SNX29: variants seen among roughly 807,000 people sequenced by gnomAD.
The protein encoded by SNX29 is sorting nexin 29, also known as sorting nexin-29.
A neutral mutation model predicts 102.1 loss-of-function variants in SNX29; 78 were observed. That is an observed-to-expected ratio of 0.76 (90% CI 0.64 to 0.92). The LOEUF is 0.92. Among genes scored for constraint, SNX29 ranks in the 40% least tolerant of loss-of-function variants. SNX29 has a pLI of 0.00. For missense variants in SNX29, 1,280 were observed against 1,061.7 expected, an observed-to-expected ratio of 1.21 and a Z score of -2.86; for synonymous variants, 580 against 414.5, an observed-to-expected ratio of 1.40 and a Z score of -4.85.
At chr16:12,017,262 C>T (rs953881180) in intron 3 of SNX29, among the ~76,000 whole-genome samples, 5 of 152,214 alleles carry the variant, frequency 3.3e-5, no homozygotes, top group African/African-American at 9.7e-5. Flanking sequence ...AGTCCTTAGT[C>T]CTAACCTGGG....
At chr16:12,346,351 C>T (rs533496213) in intron 15 of SNX29, among the ~76,000 whole-genome samples, 3 of 152,198 alleles carry the variant, frequency 2.0e-5, no homozygotes, top group African/African-American at 7.2e-5. Flanking sequence ...CTTTACGTAA[C>T]CCTAAGTAAA....
At chr16:12,390,479 C>T (rs1242970223) in intron 16 of SNX29, among the ~76,000 whole-genome samples, 3 of 152,110 alleles carry the variant, frequency 2.0e-5, no homozygotes, top group Non-Finnish European at 4.4e-5. Context: ...GGATTGTATG[C>T]TCTGCAAGCC....
At chr16:12,015,895 C>T (rs1429855449) in intron 3 of SNX29, among the ~76,000 whole-genome samples, 1 of 146,610 alleles carries the variant, frequency 6.8e-6, no homozygotes, top group East Asian at 2.1e-4. Context: ...GACAGAATGT[C>T]GCTCTGTCAC....
intron 14 of SNX29, among the ~76,000 whole-genome samples, chr16:12,204,693 A>G (rs2077001944): frequency 6.6e-6 from 1 of 152,238 alleles, no homozygotes; most frequent in Admixed American, 6.5e-5. Context: ...AGCAATTTAA[A>G]AAGTTTGTTC....
intron 19 of SNX29, among the ~76,000 whole-genome samples, chr16:12,495,086 C>A (rs1597604257): frequency 6.6e-6 from 1 of 152,204 alleles, no homozygotes; most frequent in Non-Finnish European, 1.5e-5. Flanking sequence ...CATGCAGTTC[C>A]TTTAGGATAC....
chr16:12,352,436 C>T (rs1327042830), intron 15 of SNX29, among the ~76,000 whole-genome samples: 2 of 152,112 alleles, frequency 1.3e-5, no homozygotes, highest in African/African-American at 4.8e-5. Context: ...TTAATGGGTG[C>T]AGCACACCAA....
intron 15 of SNX29, among the ~76,000 whole-genome samples, chr16:12,341,083 G>C (rs925224505): frequency 6.6e-6 from 1 of 152,172 alleles, no homozygotes; most frequent in Non-Finnish European, 1.5e-5. Context: ...AGAGTGTCTG[G>C]CCTGTGGAAC....
chr16:12,352,829 C>G lies in SNX29; in HGVS notation c.1783-3334C>G, dbSNP rs551650413. Among the ~76,000 whole-genome samples the G allele has an allele frequency of 9.2e-5, 14 of 152,314 alleles. No individual in the cohort carries two copies. In the East Asian group the frequency reaches 2.7e-3, roughly 29 times the overall value. The stretch of plus-strand genomic sequence containing the variant: ...GCATTTACTTTTGATTTGTCACTGT[C>G]ATAGTGTTGTCAAATGGCATCTCCT... On this transcript the variant is annotated intron_variant, in intron 15 of 20. Coordinates refer to ENST00000566228, the MANE Select transcript of SNX29 (RefSeq NM_032167.5).
intron 19 of SNX29, among the ~76,000 whole-genome samples, chr16:12,522,888 G>A (rs1006148703): frequency 7.2e-5 from 11 of 152,156 alleles, no homozygotes; most frequent in African/African-American, 2.2e-4. Context: ...ATAGTGCACC[G>A]TGCACTCTAC....
At position 11,999,364 on chromosome 16, in the gene SNX29, C is replaced by T. The variant is rs776259115; in HGVS notation, c.69+6C>T. The T allele has an allele frequency of 2.5e-5, 40 of 1,613,702 alleles. No homozygotes were observed. The highest frequency in any genetic ancestry group is 3.1e-5 in the Non-Finnish European group (36 of 1,179,872). On this transcript the variant is annotated splice_donor_region_variant and intron_variant, in intron 2 of 20. Transcript: ENST00000566228. ...TGCTGGATGCAGTGAAACAGGTAAG[C>T]AGAAAGCACACATTTGCCTTTTTGG...
rs541176608 is a variant in SNX29 at position 12,371,081 on chromosome 16, G to C, written c.1899+14802G>C. Among the ~76,000 whole-genome samples the C allele has an allele frequency of 6.6e-5, 10 of 152,348 alleles. No individual in the cohort carries two copies. In the South Asian group the frequency reaches 1.9e-3, roughly 28 times the overall value. On this transcript the variant is annotated intron_variant, in intron 16 of 20. Coordinates refer to ENST00000566228, the MANE Select transcript of SNX29 (RefSeq NM_032167.5). Reference sequence around the variant, plus strand: ...AGGTGATTTTGTTGATCAGAGTTCAGATGGTGTTCTCCCAGATATTCGAAA... The same window carrying C: ...AGGTGATTTTGTTGATCAGAGTTCACATGGTGTTCTCCCAGATATTCGAAA...
chr16:12,197,357 G>T (rs904927330), intron 13 of SNX29, among the ~76,000 whole-genome samples: 4 of 152,004 alleles, frequency 2.6e-5, no homozygotes, highest in South Asian at 2.1e-4. Context: ...ATCACTTAAG[G>T]TCAGGAGTTC....
intron 11 of SNX29, 109 bp from the exon 12 acceptor site, chr16:12,126,521 AGGG>A: frequency 9.0e-7 from 1 of 1,106,190 alleles, no homozygotes; most frequent in Non-Finnish European, 1.3e-6. Context: ...GAAAGGGAAA[AGGG>A]AACTTATCTA....
At chr16:12,542,649 C>G (rs117098987) in intron 20 of SNX29, among the ~76,000 whole-genome samples, 3 of 152,222 alleles carry the variant, frequency 2.0e-5, no homozygotes, top group African/African-American at 7.2e-5. Context: ...AACACTTAAA[C>G]TTGTGTTTGA....
chr16:12,531,206 G>A (rs2076923005), intron 20 of SNX29, among the ~76,000 whole-genome samples: 1 of 152,216 alleles, frequency 6.6e-6, no homozygotes, highest in Non-Finnish European at 1.5e-5. Context: ...GCAAGAAGCA[G>A]GGAGCCCCAA....
rs866210148 is a variant in SNX29, at chr16:11,976,799, G to A, written c.-8G>A. ...CGCGGCGCAGGCACCGGCCCGGGGA[G>A]AGGCACCATGAGCGGTGAGTGGCGG... is the stretch of plus-strand genomic sequence containing the variant. On this transcript the variant is annotated 5_prime_UTR_variant, in exon 1 of 21. Transcript: ENST00000566228. 7.3e-6 allele frequency: 10 copies of A among 1,378,028 alleles called. No individual in the cohort carries two copies. Among genetic ancestry groups the A allele is most frequent in the Middle Eastern group, 2.6e-4 (1 of 3,782 alleles). 85.4% of individuals were successfully genotyped at this position (1,378,028 alleles called of 1,614,324 possible).
At chr16:12,138,184 GAA>G (rs34886061) in intron 13 of SNX29, among the ~76,000 whole-genome samples, 6 of 142,558 alleles carry the variant, frequency 4.2e-5, no homozygotes, top group Admixed American at 1.4e-4. Flanking sequence ...ACACGAGACT[GAA>G]AAAAAAAGAA....
At chr16:12,097,101 G>T (rs2052798029) in intron 11 of SNX29, among the ~76,000 whole-genome samples, 1 of 152,188 alleles carries the variant, frequency 6.6e-6, no homozygotes, top group Non-Finnish European at 1.5e-5. Context: ...GGATGGGCTT[G>T]AGGAGCTGTT....
At chr16:12,063,081 G>C (rs1279602284) in intron 9 of SNX29, among the ~76,000 whole-genome samples, 1 of 152,162 alleles carries the variant, frequency 6.6e-6, no homozygotes, top group Non-Finnish European at 1.5e-5. Context: ...TGACCCTGAT[G>C]AACTCATCTG....
Sources: gnomAD v4.1 joint callset for allele counts (sites outside exome capture counted in the v4.1 genomes callset) on GRCh38, gnomAD v4.1.1 for gene constraint, MANE v1.5 for transcripts, NCBI Gene and HGNC (gene_info 2026-07-23, HGNC 2026-07-21) for gene names.